The following EBF2 variants were observed in gnomAD, a reference collection of about 807,000 sequenced individuals.
The protein encoded by EBF2 is transcription factor COE2.
A neutral mutation model predicts 72.8 loss-of-function variants in EBF2; 21 were observed. The observed-to-expected ratio is 0.29, with a 90% confidence interval of 0.20 to 0.42. The LOEUF is 0.42. Ranked by LOEUF, EBF2 falls within the 10% of genes least tolerant of loss-of-function variation. The pLI is 1.00. For missense variants in EBF2, 637 were observed against 731.2 expected (o/e 0.87, Z 1.49); for synonymous variants, 299 against 274.2 (o/e 1.09, Z -0.89).
At chr8:25,897,027 A>G (rs1802872390) in intron 7 of EBF2, among the ~76,000 whole-genome samples, 4 of 152,182 alleles carry the variant, frequency 2.6e-5, no homozygotes, top group African/African-American at 7.2e-5. Context: ...GAATTCCCAG[A>G]ATTCTCAGCA....
Position 25,880,748 on chromosome 8 carries a change from C to CTTT in EBF2, c.1009+6006_1009+6007insAAA, listed in dbSNP as rs1585273445. Among the ~76,000 whole-genome samples the CTTT allele has an allele frequency of 3.9e-5, 6 of 152,222 alleles. No individual in the cohort carries two copies. In the East Asian group the frequency reaches 1.2e-3, roughly 29 times the overall value. The stretch of plus-strand genomic sequence containing the variant: ...CAGGTGAACTTTTGTAAAGTTTTCC[C>CTTT]AAACATTTTGTTGCTATTTTGATTG... On this transcript the variant is annotated intron_variant, in intron 10 of 15. Transcript: ENST00000520164.
intron 10 of EBF2, among the ~76,000 whole-genome samples, chr8:25,869,788 C>T (rs993594950): frequency 5.3e-5 from 8 of 152,122 alleles, no homozygotes; most frequent in African/African-American, 1.4e-4. Flanking sequence ...ACCATTAGGA[C>T]GTACTGAAGC....
intron 14 of EBF2, among the ~76,000 whole-genome samples, chr8:25,851,825 T>G (rs1448065930): frequency 6.6e-6 from 1 of 152,218 alleles, no homozygotes; most frequent in Non-Finnish European, 1.5e-5. Flanking sequence ...GCGACACTTA[T>G]GACTGACCAA....
rs2046458 is a variant in EBF2 at position 25,952,757 on chromosome 8, C to T, written c.552-44202G>A. On this transcript the variant is annotated intron_variant, in intron 6 of 15. Coordinates refer to ENST00000520164, the MANE Select transcript of EBF2 (RefSeq NM_022659.4). Reference sequence around the variant, plus strand: ...TCCCACAGGGCTCTTTCTGCCAACTCCAAATCATTCTACTTTTCCCACTTT... The same window carrying T: ...TCCCACAGGGCTCTTTCTGCCAACTTCAAATCATTCTACTTTTCCCACTTT... 4.0e-3 allele frequency among the ~76,000 whole-genome samples: 614 copies of T among 152,320 alleles called. 3 individuals carry two copies. The highest frequency in any genetic ancestry group is 0.014 in the African/African-American group (594 of 41,566).
At chr8:26,017,286 G>T (rs1805127032) in intron 6 of EBF2, among the ~76,000 whole-genome samples, 1 of 152,152 alleles carries the variant, frequency 6.6e-6, no homozygotes, top group Non-Finnish European at 1.5e-5. Context: ...CCCAGAAGTT[G>T]TGTTGCTCTG....
chr8:25,962,582 A>G lies in EBF2; in HGVS notation c.552-54027T>C, dbSNP rs1417629183. On this transcript the variant is annotated intron_variant, in intron 6 of 15. Transcript: ENST00000520164. The stretch of plus-strand genomic sequence containing the variant: ...AATCCTGCAAGTGTGTGACATCAAC[A>G]TGTTTTCCTCAGCTAACAGGCTTCT... Among the ~76,000 whole-genome samples, 7 of 152,230 alleles carry G rather than the reference A, an allele frequency of 4.6e-5. No homozygotes were observed. In the East Asian group the frequency reaches 1.2e-3, roughly 25 times the overall value.
intron 6 of EBF2, among the ~76,000 whole-genome samples, chr8:26,005,254 T>A (rs1469203870): frequency 1.3e-4 from 4 of 29,778 alleles, no homozygotes; most frequent in African/African-American, 6.3e-4. Flanking sequence ...TACATTTTAT[T>A]ATATATAATA....
chr8:25,974,746 G>C (rs1034476572), intron 6 of EBF2, among the ~76,000 whole-genome samples: 3 of 151,242 alleles, frequency 2.0e-5, no homozygotes, highest in African/African-American at 7.3e-5. Context: ...AACTCCCCCT[G>C]CCCCCCCATC....
chr8:26,022,083 T>C (rs1366775068), intron 6 of EBF2, among the ~76,000 whole-genome samples: 1 of 152,228 alleles, frequency 6.6e-6, no homozygotes, highest in Non-Finnish European at 1.5e-5. Flanking sequence ...CAGGAAATCC[T>C]CCAAGCCTTC....
chr8:26,033,809 T>A (rs924612698), intron 5 of EBF2, among the ~76,000 whole-genome samples: 3 of 152,118 alleles, frequency 2.0e-5, no homozygotes, highest in African/African-American at 4.8e-5. Context: ...TATAAGCTAC[T>A]TGAGGGCAGG....
chr8:25,974,293 TC>T (rs1804233697), intron 6 of EBF2, among the ~76,000 whole-genome samples: 1 of 152,192 alleles, frequency 6.6e-6, no homozygotes, highest in Admixed American at 6.5e-5. Flanking sequence ...CCCACTGACT[TC>T]CTGTCATCCC....
intron 6 of EBF2, among the ~76,000 whole-genome samples, chr8:25,961,372 TTTTTG>T (rs1348792971): frequency 6.6e-6 from 1 of 152,182 alleles, no homozygotes; most frequent in African/African-American, 2.4e-5. Context: ...GGTTTTTTGT[TTTTTG>T]TTTTGAGACG....
chr8:25,986,588 T>G (rs570815117), intron 6 of EBF2, among the ~76,000 whole-genome samples: 28 of 152,268 alleles, frequency 1.8e-4, no homozygotes, highest in South Asian at 4.2e-4. Context: ...CATTTGAGAG[T>G]TCATTTTTAT....
rs1805569797 is a variant in EBF2, at chr8:26,039,921, C to T, written c.482+107G>A. 4 of 1,217,478 alleles carry T rather than the reference C, an allele frequency of 3.3e-6. No homozygotes were observed. The Admixed American group carries it at 7.0e-5, about 21-fold the overall frequency. The allele number at this position is 1,217,478 out of a possible 1,614,324, so 75.4% of individuals were successfully genotyped here. On this transcript the variant is annotated intron_variant, in intron 5 of 15. Coordinates refer to ENST00000520164, the MANE Select transcript of EBF2 (RefSeq NM_022659.4). Reference sequence around the variant, plus strand: ...CCCGTCTGCCCGCGAGGCCTCCCAGCTGCGAGCGCTCAGTCCTGAAAGTTA... The same window carrying T: ...CCCGTCTGCCCGCGAGGCCTCCCAGTTGCGAGCGCTCAGTCCTGAAAGTTA...
intron 6 of EBF2, among the ~76,000 whole-genome samples, chr8:25,946,941 A>C (rs904282263): frequency 6.6e-6 from 1 of 152,236 alleles, no homozygotes; most frequent in African/African-American, 2.4e-5. Flanking sequence ...TGTGACTAGC[A>C]CAGCTAAATT....
At chr8:25,866,526 A>C (rs895062849) in intron 10 of EBF2, among the ~76,000 whole-genome samples, 4 of 143,762 alleles carry the variant, frequency 2.8e-5, no homozygotes, top group African/African-American at 1.0e-4. Context: ...ATAATATAAA[A>C]ATATATAATA....
rs1456962590 is a variant in EBF2, at chr8:26,018,142, GCAAA to G, written c.551+14939_551+14942del. Among the ~76,000 whole-genome samples, 3 of 151,200 alleles carry G rather than the reference GCAAA, an allele frequency of 2.0e-5. No individual in the cohort carries two copies. In the South Asian group the frequency reaches 6.3e-4, roughly 32 times the overall value. On this transcript the variant is annotated intron_variant, in intron 6 of 15. Transcript: ENST00000520164. ...TTTTTTTTTCTCTCCCTTCGCAGGA[GCAAA>G]CAAATGGCCCATTGAGAGCCACAGA...
At chr8:25,980,410 T>C (rs1014510791) in intron 6 of EBF2, among the ~76,000 whole-genome samples, 1 of 151,430 alleles carries the variant, frequency 6.6e-6, no homozygotes, top group African/African-American at 2.4e-5. Context: ...ATTGCAACAA[T>C]GGTAAGCGTG....
intron 6 of EBF2, among the ~76,000 whole-genome samples, chr8:25,922,307 A>C (rs549515472): frequency 1.2e-4 from 19 of 152,140 alleles, no homozygotes; most frequent in Admixed American, 2.0e-4. Context: ...ATGTTTTATA[A>C]ATCTGCATTT....
Sources: allele counts gnomAD v4.1 joint callset (sites outside exome capture counted in the v4.1 genomes callset), GRCh38; gene constraint gnomAD v4.1.1; transcripts MANE v1.5; gene names NCBI Gene and HGNC (gene_info 2026-07-23, HGNC 2026-07-21).